FBXL7: variants seen among roughly 807,000 people sequenced by gnomAD.
The protein encoded by FBXL7 is F-box and leucine rich repeat protein 7.
In FBXL7, 12 loss-of-function variants were observed where a neutral mutation model predicts 38.3. The observed-to-expected ratio is 0.31, with a 90% CI of 0.20 to 0.51. FBXL7 has a LOEUF of 0.51. Ranked by LOEUF, FBXL7 falls within the 20% of genes least tolerant of loss-of-function variation. FBXL7 has a pLI of 0.98. For missense variants in FBXL7, 567 were observed against 676.4 expected (o/e 0.84, Z 1.79); for synonymous variants, 297 against 300.9 (o/e 0.99, Z 0.13).
intron 2 of FBXL7, among the ~76,000 whole-genome samples, chr5:15,651,860 T>C (rs1741719250): frequency 6.6e-6 from 1 of 152,238 alleles, no homozygotes; most frequent in African/African-American, 2.4e-5. Context: ...CACCTTCTTG[T>C]AATAAAAGGC....
At chr5:15,867,824 G>A (rs952091083) in intron 2 of FBXL7, among the ~76,000 whole-genome samples, 5 of 152,144 alleles carry the variant, frequency 3.3e-5, no homozygotes, top group Admixed American at 6.5e-5. Context: ...GGAGGAAAAG[G>A]GCTGGGTGCA....
At chr5:15,727,809 C>A (rs1428967799) in intron 2 of FBXL7, among the ~76,000 whole-genome samples, 1 of 152,112 alleles carries the variant, frequency 6.6e-6, no homozygotes, top group Non-Finnish European at 1.5e-5. Flanking sequence ...AATATTCTCG[C>A]TGATTCTTTC....
intron 2 of FBXL7, among the ~76,000 whole-genome samples, chr5:15,846,450 A>C (rs1199556382): frequency 6.6e-6 from 1 of 152,228 alleles, no homozygotes; most frequent in African/African-American, 2.4e-5. Flanking sequence ...TTGAGCAAAC[A>C]GCAATTTATG....
At chr5:15,704,984 A>AAT (rs1421568752) in intron 2 of FBXL7, among the ~76,000 whole-genome samples, 3 of 151,900 alleles carry the variant, frequency 2.0e-5, no homozygotes, top group African/African-American at 7.2e-5. Flanking sequence ...AAAAAAATTA[A>AAT]ATATATATAT....
chr5:15,523,819 G>A (rs931266514), intron 1 of FBXL7, among the ~76,000 whole-genome samples: 5 of 152,334 alleles, frequency 3.3e-5, no homozygotes, highest in South Asian at 4.1e-4. Context: ...ATGGAGTTGC[G>A]TGTCCACACC....
intron 2 of FBXL7, among the ~76,000 whole-genome samples, chr5:15,628,685 G>T (rs1034431133): frequency 1.3e-5 from 2 of 151,946 alleles, no homozygotes; most frequent in Non-Finnish European, 2.9e-5. Context: ...ATCATATATA[G>T]CAGTATTTTC....
intron 2 of FBXL7, among the ~76,000 whole-genome samples, chr5:15,698,680 C>G (rs1250453751): frequency 6.6e-6 from 1 of 152,164 alleles, no homozygotes; most frequent in Non-Finnish European, 1.5e-5. Flanking sequence ...CCACAGAGCT[C>G]AAGTGTATTC....
chr5:15,659,998 G>A (rs377632873), intron 2 of FBXL7, among the ~76,000 whole-genome samples: 1 of 152,284 alleles, frequency 6.6e-6, no homozygotes, highest in South Asian at 2.1e-4. Flanking sequence ...TATGAAAAAT[G>A]CATGATAGTG....
At chr5:15,844,253 A>T (rs189662416) in intron 2 of FBXL7, among the ~76,000 whole-genome samples, 27 of 152,314 alleles carry the variant, frequency 1.8e-4, no homozygotes, top group African/African-American at 6.3e-4. Flanking sequence ...GTGCCAGGGA[A>T]GGGGAAGTAT....
rs536145867 is a variant in FBXL7 at position 15,525,062 on chromosome 5, A to G, written c.37+24349A>G. On this transcript the variant is annotated intron_variant, in intron 1 of 3. Coordinates refer to ENST00000504595, the MANE Select transcript of FBXL7 (RefSeq NM_012304.5). The stretch of plus-strand genomic sequence containing the variant: ...GGCTTTGTCACTTATGAGTGATGTG[A>G]CCTTGAGCCAGGGCAGTAACCTCCC... 2.0e-3 allele frequency among the ~76,000 whole-genome samples: 297 copies of G among 152,286 alleles called. 1 individual carries two copies. Among genetic ancestry groups the G allele is most frequent in the African/African-American group, 6.9e-3 (287 of 41,556 alleles).
chr5:15,930,056 T>C (rs1258332017), intron 3 of FBXL7, among the ~76,000 whole-genome samples: 1 of 152,228 alleles, frequency 6.6e-6, no homozygotes, highest in Non-Finnish European at 1.5e-5. Flanking sequence ...CCATTACTTT[T>C]TGCAGATTCT....
At chr5:15,921,371 A>G (rs1359226599) in intron 2 of FBXL7, among the ~76,000 whole-genome samples, 2 of 85,958 alleles carry the variant, frequency 2.3e-5, no homozygotes, top group Non-Finnish European at 2.3e-5. Context: ...ACAGAACAAG[A>G]CTCCATCTCA....
At chr5:15,606,291 G>GCACA (rs148470712) in intron 1 of FBXL7, among the ~76,000 whole-genome samples, 4 of 150,520 alleles carry the variant, frequency 2.7e-5, no homozygotes, top group Non-Finnish European at 4.4e-5. Context: ...ATGCGCACGT[G>GCACA]CACACACACA....
chr5:15,675,264 T>C (rs757438708), intron 2 of FBXL7, among the ~76,000 whole-genome samples: 2 of 152,258 alleles, frequency 1.3e-5, no homozygotes, highest in Non-Finnish European at 2.9e-5. Flanking sequence ...TTATGAAATA[T>C]ACTTGTATCC....
At chr5:15,571,387 A>C (rs1282193639) in intron 1 of FBXL7, among the ~76,000 whole-genome samples, 2 of 152,158 alleles carry the variant, frequency 1.3e-5, no homozygotes, top group Non-Finnish European at 2.9e-5. Context: ...TTGACCCTCC[A>C]GGGTCCTGGG....
At chr5:15,925,009 C>T (rs1272929227) in intron 2 of FBXL7, among the ~76,000 whole-genome samples, 1 of 152,158 alleles carries the variant, frequency 6.6e-6, no homozygotes, top group Non-Finnish European at 1.5e-5. Flanking sequence ...TTTCCTCTAA[C>T]ATTTTCTGCC....
intron 2 of FBXL7, among the ~76,000 whole-genome samples, chr5:15,769,599 A>G (rs943266761): frequency 6.6e-6 from 1 of 152,242 alleles, no homozygotes; most frequent in Non-Finnish European, 1.5e-5. Flanking sequence ...GCAAAATACT[A>G]AAGTAAATGG....
chr5:15,837,392 T>G (rs1738622685), intron 2 of FBXL7, among the ~76,000 whole-genome samples: 1 of 152,136 alleles, frequency 6.6e-6, no homozygotes, highest in Non-Finnish European at 1.5e-5. Flanking sequence ...AGCCATACAG[T>G]TTTTCCCATA....
intron 1 of FBXL7, among the ~76,000 whole-genome samples, chr5:15,563,986 A>G (rs1738490030): frequency 1.3e-5 from 2 of 152,126 alleles, no homozygotes; most frequent in South Asian, 4.1e-4. Context: ...TCAGCATTTA[A>G]AATAAATTCA....
Sources: gnomAD v4.1 joint callset for allele counts (sites outside exome capture counted in the v4.1 genomes callset) on GRCh38, gnomAD v4.1.1 for gene constraint, MANE v1.5 for transcripts, NCBI Gene and HGNC (gene_info 2026-07-23, HGNC 2026-07-21) for gene names.